The following CRPPA variants were observed in gnomAD, a reference collection of about 807,000 sequenced individuals.
The protein encoded by CRPPA is D-ribitol-5-phosphate cytidylyltransferase.
CRPPA carries 43 observed loss-of-function variants against 52.0 expected under a neutral mutation model. That is an observed-to-expected ratio of 0.83 (90% CI 0.65 to 1.07). CRPPA has a LOEUF of 1.07. Among genes scored for constraint, CRPPA ranks in the 50% least tolerant of loss-of-function variants. CRPPA has a pLI of 0.00. For synonymous variants in CRPPA, 250 were observed against 203.5 expected (o/e 1.23, Z -1.94); for missense variants, 629 against 551.7 (o/e 1.14, Z -1.40).
chr7:16,290,787 A>C (rs1453397160), intron 5 of CRPPA, among the ~76,000 whole-genome samples: 1 of 152,076 alleles, frequency 6.6e-6, no homozygotes, highest in Admixed American at 6.6e-5. Flanking sequence ...AAAATAGAGA[A>C]ATAGTACTTA....
At chr7:16,389,925 AAAAATATATATATAT>A (rs1787394808) in intron 2 of CRPPA, among the ~76,000 whole-genome samples, 1 of 72,356 alleles carries the variant, frequency 1.4e-5, no homozygotes, top group African/African-American at 5.4e-5. Context: ...AAAAAAAAAA[AAAAATATATATATAT>A]ATATATATAT....
chr7:16,264,088 G>C (rs562845075), intron 6 of CRPPA, among the ~76,000 whole-genome samples: 51 of 152,076 alleles, frequency 3.4e-4, no homozygotes, highest in African/African-American at 1.2e-3. Context: ...AAAACAATCA[G>C]TATTTTCCAT....
At chr7:16,241,168 G>A (rs1051501489) in intron 8 of CRPPA, among the ~76,000 whole-genome samples, 1 of 152,112 alleles carries the variant, frequency 6.6e-6, no homozygotes. Flanking sequence ...AAAATATCAA[G>A]TGTAAATGGA....
rs117387535 is a variant in CRPPA at position 16,091,675 on chromosome 7, T to G, written c.*20A>C. ...ATACGCAAATAGATGTTTTAGAAAATAGGTAATTTTTTGTGTTCTTCATGC... is the reference window on the plus strand; with the variant it reads ...ATACGCAAATAGATGTTTTAGAAAAGAGGTAATTTTTTGTGTTCTTCATGC... On this transcript the variant is annotated 3_prime_UTR_variant, in exon 10 of 10. Coordinates refer to ENST00000407010, the MANE Select transcript of CRPPA (RefSeq NM_001101426.4). The G allele has an allele frequency of 1.5e-6, 2 of 1,357,626 alleles. No individual in the cohort carries two copies. The highest frequency in any genetic ancestry group is 2.1e-5 in the Admixed American group (1 of 48,470). The allele number at this position is 1,357,626 out of a possible 1,614,324, so 84.1% of individuals were successfully genotyped here.
chr7:16,204,058 C>T (rs1781915622), intron 9 of CRPPA, among the ~76,000 whole-genome samples: 1 of 152,116 alleles, frequency 6.6e-6, no homozygotes, highest in African/African-American at 2.4e-5. Flanking sequence ...ATTTAGCAAA[C>T]TGTGGTGAAC....
chr7:16,281,058 A>T (rs1413897563), intron 5 of CRPPA, among the ~76,000 whole-genome samples: 1 of 152,224 alleles, frequency 6.6e-6, no homozygotes, highest in African/African-American at 2.4e-5. Flanking sequence ...ATCCTATGCC[A>T]TGTTTCAGTT....
At chr7:16,395,523 T>C (rs1346187948) in intron 2 of CRPPA, among the ~76,000 whole-genome samples, 1 of 152,096 alleles carries the variant, frequency 6.6e-6, no homozygotes, top group East Asian at 1.9e-4. Context: ...ATTGAATATT[T>C]CACATATTTA....
intron 2 of CRPPA, among the ~76,000 whole-genome samples, chr7:16,390,635 C>T (rs902867670): frequency 1.3e-5 from 2 of 152,142 alleles, no homozygotes; most frequent in Non-Finnish European, 2.9e-5. Context: ...TCATACTTCT[C>T]TATTGTTAAA....
Position 16,089,347 on chromosome 7 carries a change from C to T in CRPPA, c.*2348G>A, listed in dbSNP as rs778085752. On this transcript the variant is annotated 3_prime_UTR_variant, in exon 10 of 10. Transcript: ENST00000407010. ...ATATAAATATATGTGTGTATGCGTA[C>T]GTATATACATACATACATGCATGTA... 33 of 359,936 alleles carry T rather than the reference C, an allele frequency of 9.2e-5. 1 individual carries two copies. The highest frequency in any genetic ancestry group is 9.0e-4 in the Middle Eastern group (1 of 1,106). 22.3% of individuals were successfully genotyped at this position (359,936 alleles called of 1,614,324 possible).
At chr7:16,118,705 T>C (rs954712669) in intron 9 of CRPPA, among the ~76,000 whole-genome samples, 15 of 152,326 alleles carry the variant, frequency 9.8e-5, no homozygotes, top group Middle Eastern at 3.4e-3. Flanking sequence ...TGTCTGAGGA[T>C]GACTGGAAAC....
At chr7:16,126,322 TC>T (rs1020816157) in intron 9 of CRPPA, among the ~76,000 whole-genome samples, 4 of 152,066 alleles carry the variant, frequency 2.6e-5, no homozygotes, top group African/African-American at 9.7e-5. Flanking sequence ...TTCTGGGAAA[TC>T]CTAGAAGGAA....
At chr7:16,168,442 T>C (rs1781111359) in intron 9 of CRPPA, among the ~76,000 whole-genome samples, 1 of 151,926 alleles carries the variant, frequency 6.6e-6, no homozygotes, top group African/African-American at 2.4e-5. Context: ...AAATTTATAG[T>C]CCATATTTTC....
intron 9 of CRPPA, among the ~76,000 whole-genome samples, chr7:16,209,675 AC>A (rs1185647941): frequency 6.6e-6 from 1 of 152,196 alleles, no homozygotes; most frequent in Non-Finnish European, 1.5e-5. Context: ...AATCTAAAAC[AC>A]AAAATTTTAG....
intron 5 of CRPPA, among the ~76,000 whole-genome samples, chr7:16,294,894 T>A (rs367991869): frequency 1.3e-4 from 20 of 152,146 alleles, no homozygotes; most frequent in African/African-American, 4.3e-4. Context: ...TCTTTCCAAC[T>A]TGATCCAAGG....
chr7:16,169,644 G>C (rs182277949), intron 9 of CRPPA, among the ~76,000 whole-genome samples: 8 of 152,324 alleles, frequency 5.3e-5, no homozygotes, highest in Middle Eastern at 3.4e-3. Context: ...AACTCACAGC[G>C]TGAGTCTGTT....
chr7:16,304,651 A>T (rs1784868743), intron 4 of CRPPA, among the ~76,000 whole-genome samples: 1 of 152,148 alleles, frequency 6.6e-6, no homozygotes, highest in East Asian at 1.9e-4. Context: ...AAAAAAATTA[A>T]TTAATTAAAG....
chr7:16,161,244 G>T (rs1783298512), intron 9 of CRPPA, among the ~76,000 whole-genome samples: 1 of 152,158 alleles, frequency 6.6e-6, no homozygotes, highest in Admixed American at 6.5e-5. Flanking sequence ...GTGAGAGAGG[G>T]TATCCTTGTC....
At chr7:16,287,901 G>A (rs1379429399) in intron 5 of CRPPA, among the ~76,000 whole-genome samples, 1 of 97,990 alleles carries the variant, frequency 1.0e-5, no homozygotes, top group African/African-American at 3.9e-5. Context: ...CAGCCTGGGT[G>A]AAAAAAAGAA....
intron 3 of CRPPA, among the ~76,000 whole-genome samples, chr7:16,348,381 A>C (rs1012941007): frequency 6.6e-6 from 1 of 152,180 alleles, no homozygotes; most frequent in African/African-American, 2.4e-5. Flanking sequence ...CCAGGGGCTT[A>C]ATCCCCTGAG....
Sources: allele counts gnomAD v4.1 joint callset (sites outside exome capture counted in the v4.1 genomes callset), GRCh38; gene constraint gnomAD v4.1.1; transcripts MANE v1.5; gene names NCBI Gene and HGNC (gene_info 2026-07-23, HGNC 2026-07-21).